Variants in RIF1 observed in about 807,000 individuals in gnomAD.
RIF1 encodes the protein replication timing regulatory factor 1, also known as telomere-associated protein RIF1.
In RIF1, 45 loss-of-function variants were observed where a neutral mutation model predicts 247.1. The observed-to-expected ratio is 0.18, with a 90% confidence interval of 0.14 to 0.23. The LOEUF is 0.23. Among genes scored for constraint, RIF1 ranks in the 10% least tolerant of loss-of-function variants. The probability of loss-of-function intolerance (pLI) is 1.00; values close to 1 mark genes in which losing one functional copy is unlikely to be tolerated. For synonymous variants in RIF1, 1,087 were observed against 978.8 expected, an observed-to-expected ratio of 1.11 and a Z score of -2.06; for missense variants, 2,967 against 2,862.5, an observed-to-expected ratio of 1.04 and a Z score of -0.83.
Position 151,420,317 on chromosome 2 carries a change from A to G in RIF1, c.631A>G (p.Met211Val). 1 of 1,614,198 alleles carries G rather than the reference A, an allele frequency of 6.2e-7. No homozygotes were observed. The highest frequency in any genetic ancestry group is 8.5e-7 in the Non-Finnish European group (1 of 1,180,032). ...LRGATALEMG[M>V]PLLLQKQQEI... ...GGGAGCAACTGCTCTGGAGATGGGAATGCCATTATTGCTTCAGAAACAGCA... is the reference window on the plus strand; with the variant it reads ...GGGAGCAACTGCTCTGGAGATGGGAGTGCCATTATTGCTTCAGAAACAGCA... Residue 211 changes from methionine to valine, a missense_variant, in exon 7 of 36, where the codon ATG becomes GTG. By Grantham distance (21) the Met-to-Val change is conservative (BLOSUM62 1). Transcript: ENST00000444746.
In RIF1 at chr2:151,456,475, ATATT is replaced by A. The variant is rs1425796007; in HGVS notation, c.2610-98_2610-95del. On this transcript the variant is annotated intron_variant, in intron 22 of 35. Coordinates refer to ENST00000444746, the MANE Select transcript of RIF1 (RefSeq NM_018151.5). ...GGGCACCTTTTTATATCATCAATTT[ATATT>A]TATTATGTCTTTATTACCTTTTTCT... The A allele has an allele frequency of 9.3e-6, 6 of 644,358 alleles. No individual in the cohort carries two copies. In the East Asian group the frequency reaches 1.6e-4, roughly 17 times the overall value. 39.9% of individuals were successfully genotyped at this position (644,358 alleles called of 1,614,324 possible).
At position 151,443,470 on chromosome 2, in the gene RIF1, CATTAA is replaced by C. The variant is rs201588999; in HGVS notation, c.1806-53_1806-49del. 14,276 of 1,453,052 alleles carry C rather than the reference CATTAA, an allele frequency of 9.8e-3. 1,180 individuals are homozygous for C. In the African/African-American group the frequency reaches 0.18, roughly 18 times the overall value. 90.0% of individuals were successfully genotyped at this position (1,453,052 alleles called of 1,614,324 possible). A position where few individuals can be genotyped will look rare whatever the true frequency, so the allele number is the denominator to read the frequency against. ...GTCAGTTATTTTAGAATTTTGTTAA[CATTAA>C]ATTAATATATTCCTGCCAAAAAGTT... On this transcript the variant is annotated intron_variant, in intron 17 of 35. Coordinates refer to ENST00000444746, the MANE Select transcript of RIF1 (RefSeq NM_018151.5).
At chr2:151,503,348 C>G in intron 12 of RIF1, 1 of 1,598,882 alleles carries the variant, frequency 6.3e-7, no homozygotes, top group Non-Finnish European at 8.6e-7. Flanking sequence ...TTTGTAAATA[C>G]CGAGCTAAAG....
chr2:151,518,969 C>T, the RIF1 span: 4 of 1,608,190 alleles, frequency 2.5e-6, no homozygotes, highest in African/African-American at 5.3e-5. Context: ...GCTTACAGAA[C>T]TGGCAAGTTG....
the RIF1 span, chr2:151,524,392 G>C: frequency 6.2e-7 from 1 of 1,613,960 alleles, no homozygotes; most frequent in Admixed American, 1.7e-5. Flanking sequence ...TGCCTTCCTT[G>C]CGGTGCTTGG....
chr2:151,527,002 C>T, the RIF1 span: 245 of 1,599,036 alleles, frequency 1.5e-4, no homozygotes, highest in Middle Eastern at 8.2e-4. Flanking sequence ...TGAGGAACTC[C>T]CGGTCCAGCT....
intron 10 of RIF1, chr2:151,496,896 T>C: frequency 6.7e-7 from 1 of 1,486,916 alleles, no homozygotes; most frequent in Non-Finnish European, 9.2e-7. Flanking sequence ...CATGAAATAG[T>C]TTTTAAAATC....
At chr2:151,532,372 T>C in the RIF1 span, among the ~76,000 whole-genome samples, 1 of 152,236 alleles carries the variant, frequency 6.6e-6, no homozygotes, top group Non-Finnish European at 1.5e-5. Context: ...CATATTGTAT[T>C]GAACATGTAC....
downstream of RIF1, chr2:151,485,247 T>G (rs922363772): frequency 1.3e-5 from 2 of 152,264 alleles, no homozygotes; most frequent in South Asian, 4.1e-4. Context: ...AGATAATTTT[T>G]TAGTAATTTT....
At chr2:151,472,488 T>G (rs1444290730) in intron 34 of RIF1, among the ~76,000 whole-genome samples, 2 of 152,236 alleles carry the variant, frequency 1.3e-5, no homozygotes, top group Non-Finnish European at 2.9e-5. Context: ...GCCCATTCAG[T>G]ATGATATTGG....
At chr2:151,426,949 G>T (rs1689206289) in intron 8 of RIF1, among the ~76,000 whole-genome samples, 1 of 151,472 alleles carries the variant, frequency 6.6e-6, no homozygotes, top group African/African-American at 2.4e-5. Context: ...GCCAGGCCTA[G>T]GTCTTTAATT....
intron 21 of RIF1, 94 bp downstream of exon 21, chr2:151,451,799 T>C: frequency 1.5e-6 from 1 of 656,354 alleles, no homozygotes; most frequent in Non-Finnish European, 2.8e-6. Context: ...GCCACCTCAT[T>C]TTACTAACTT....
chr2:151,459,597 G>GT (rs2152479986), intron 25 of RIF1, among the ~76,000 whole-genome samples: 1 of 152,262 alleles, frequency 6.6e-6, no homozygotes, highest in Admixed American at 6.5e-5. Flanking sequence ...TATATATTCT[G>GT]TTGAGGGGAA....
chr2:151,501,459 T>C lies in RIF1; in HGVS notation c.*710-1575T>C, dbSNP rs1330353469. The C allele has an allele frequency of 1.3e-6, 2 of 1,532,132 alleles. No individual in the cohort carries two copies. The highest frequency in any genetic ancestry group is 4.9e-5 in the East Asian group (2 of 40,762). 94.9% of individuals were successfully genotyped at this position (1,532,132 alleles called of 1,614,324 possible). ...GGAGTGACAGGTAGGGGAGTCCCCT[T>C]GCTCAAGTTCTCTTTGTACAATATC... is the stretch of plus-strand genomic sequence containing the variant. On this transcript the variant is annotated intron_variant and NMD_transcript_variant, in intron 11 of 13. Coordinates refer to the RIF1 transcript ENST00000454583.
chr2:151,502,727 T>C, intron 11 of RIF1: 1 of 864,014 alleles, frequency 1.2e-6, no homozygotes, highest in Non-Finnish European at 1.9e-6. Context: ...AATTTTACAT[T>C]TGTAAGGTGT....
Position 151,477,210 on chromosome 2 carries a change from C to T in RIF1, c.*2139C>T, listed in dbSNP as rs1232118259. Reference sequence around the variant, plus strand: ...CTTAAAGTTTCCTGCAAATTTCCCCCTTAGTAATTCCCGAATAGCAAAACA... The same window carrying T: ...CTTAAAGTTTCCTGCAAATTTCCCCTTTAGTAATTCCCGAATAGCAAAACA... On this transcript the variant is annotated 3_prime_UTR_variant, in exon 36 of 36. Transcript: ENST00000444746. The T allele has an allele frequency of 6.6e-6, 1 of 152,172 alleles. No homozygotes were observed. Among genetic ancestry groups the T allele is most frequent in the African/African-American group, 2.4e-5 (1 of 41,448 alleles). The allele number at this position is 152,172 out of a possible 1,614,324, so 9.4% of individuals were successfully genotyped here. A position where few individuals can be genotyped will look rare whatever the true frequency, so the allele number is the denominator to read the frequency against.
chr2:151,509,368 G>C (rs1210785884), downstream of RIF1, among the ~76,000 whole-genome samples: 2 of 151,532 alleles, frequency 1.3e-5, no homozygotes, highest in Middle Eastern at 3.4e-3. Context: ...AGAAACAATC[G>C]TCCTTTTATT....
intron 2 of RIF1, 58 bp downstream of exon 2, chr2:151,410,585 A>G: frequency 7.1e-7 from 1 of 1,401,214 alleles, no homozygotes. Flanking sequence ...GGGAGAAAGA[A>G]GGTGGTTGGG....
At chr2:151,525,165 C>T in the RIF1 span, 2 of 1,611,744 alleles carry the variant, frequency 1.2e-6, no homozygotes, top group Non-Finnish European at 1.7e-6. Context: ...AAACTTACAT[C>T]ACTTTGCTTC....
Sources: gnomAD v4.1 joint callset for allele counts (sites outside exome capture counted in the v4.1 genomes callset) on GRCh38, gnomAD v4.1.1 for gene constraint, MANE v1.5 for transcripts, NCBI Gene and HGNC (gene_info 2026-07-23, HGNC 2026-07-21) for gene names.